Variants in MYO3B observed in about 807,000 individuals in gnomAD.
The protein encoded by MYO3B is myosin-IIIb.
Under a neutral mutation model 174.6 loss-of-function variants are expected in MYO3B, and 156 were observed. That is an observed-to-expected ratio of 0.89 (90% CI 0.78 to 1.02). The LOEUF (loss-of-function observed/expected upper bound fraction) is 1.02. Ranked by LOEUF, MYO3B falls within the 50% of genes least tolerant of loss-of-function variation. MYO3B has a pLI of 0.00. For synonymous variants in MYO3B, 563 were observed against 569.1 expected (o/e 0.99, Z 0.15); for missense variants, 1,632 against 1,639.4 (o/e 1.00, Z 0.08).
chr2:170,401,795 T>TATTTTTA, intron 18 of MYO3B, 104 bp downstream of exon 18: 7 of 1,018,750 alleles, frequency 6.9e-6, no homozygotes, highest in Non-Finnish European at 8.3e-6. Flanking sequence ...GGATTTTCTT[T>TATTTTTA]CTTTTTCTTT....
chr2:170,421,462 C>A (rs959504155), intron 22 of MYO3B, among the ~76,000 whole-genome samples: 1 of 152,338 alleles, frequency 6.6e-6, no homozygotes, highest in African/African-American at 2.4e-5. Flanking sequence ...AGCACGAGAA[C>A]CACGTACTCC....
In MYO3B at chr2:170,382,055, A is replaced by C; in HGVS notation, c.1011A>C (p.Glu337Asp). 6.2e-7 allele frequency: 1 copy of C among 1,613,774 alleles called. No homozygotes were observed. Among genetic ancestry groups the C allele is most frequent in the South Asian group, 1.1e-5 (1 of 91,028 alleles). The change falls in exon 10 of 35, where the codon GAA (glutamate) becomes GAC (aspartate). Residue 337 changes from glutamate (E) to aspartate (D), a missense_variant. Coordinates refer to ENST00000408978, the MANE Select transcript of MYO3B (RefSeq NM_138995.5). ...RMHTRRPYHV[E>D]DAEKYCLEDD... Reference sequence around the variant, plus strand: ...ATACCAGAAGACCTTATCATGTGGAAGATGCTGAAAAATACTGCCTTGAGG... The same window carrying C: ...ATACCAGAAGACCTTATCATGTGGACGATGCTGAAAAATACTGCCTTGAGG...
intron 6 of MYO3B, among the ~76,000 whole-genome samples, chr2:170,231,012 A>C (rs2093010027): frequency 6.6e-6 from 1 of 152,200 alleles, no homozygotes; most frequent in African/African-American, 2.4e-5. Context: ...AGAGCTGCTG[A>C]CTGTTGTTTT....
chr2:170,226,979 G>C (rs1191855243), intron 6 of MYO3B, among the ~76,000 whole-genome samples: 1 of 152,154 alleles, frequency 6.6e-6, no homozygotes, highest in East Asian at 1.9e-4. Flanking sequence ...TGTCAGAGTT[G>C]GCCTCAGCTC....
chr2:170,204,968 G>C (rs2092699870), intron 3 of MYO3B, among the ~76,000 whole-genome samples: 9 of 152,106 alleles, frequency 5.9e-5, no homozygotes, highest in Admixed American at 5.9e-4. Context: ...CAAGTGCCCA[G>C]TCTTTTTTCT....
At chr2:170,323,427 G>C (rs2093843348) in intron 7 of MYO3B, among the ~76,000 whole-genome samples, 1 of 152,196 alleles carries the variant, frequency 6.6e-6, no homozygotes, top group Admixed American at 6.5e-5. Context: ...TAAGTTGATA[G>C]GATGTCAGAA....
At chr2:170,210,626 C>A (rs540762179) in intron 3 of MYO3B, among the ~76,000 whole-genome samples, 1 of 152,288 alleles carries the variant, frequency 6.6e-6, no homozygotes, top group South Asian at 2.1e-4. Flanking sequence ...TTGAAAAGTT[C>A]TTAAAAACCA....
intron 22 of MYO3B, among the ~76,000 whole-genome samples, chr2:170,441,131 A>G (rs535322059): frequency 2.0e-5 from 3 of 152,318 alleles, no homozygotes; most frequent in Non-Finnish European, 2.9e-5. Flanking sequence ...CAATTTTGCT[A>G]AAGTTAGTTC....
chr2:170,246,542 A>ACACACACG (rs1490206526), intron 7 of MYO3B, among the ~76,000 whole-genome samples: 7 of 151,624 alleles, frequency 4.6e-5, no homozygotes, highest in African/African-American at 1.7e-4. Flanking sequence ...ACACACACAC[A>ACACACACG]CACACACACA....
At chr2:170,641,858 T>G (rs6720750) in intron 32 of MYO3B, among the ~76,000 whole-genome samples, 134 of 28,820 alleles carry the variant, frequency 4.6e-3, no homozygotes, top group African/African-American at 0.015. Flanking sequence ...TATTGTTAAG[T>G]GGGGGGGGGG....
At chr2:170,383,268 T>G (rs2094348933) in intron 11 of MYO3B, 79 bp downstream of exon 11, 1 of 892,186 alleles carries the variant, frequency 1.1e-6, no homozygotes, top group South Asian at 1.5e-5. Context: ...AAAGAAAAAG[T>G]AAGAATAAAA....
chr2:170,617,319 G>T (rs566658216), intron 32 of MYO3B, among the ~76,000 whole-genome samples: 2 of 152,156 alleles, frequency 1.3e-5, no homozygotes, highest in African/African-American at 4.8e-5. Context: ...CAAATATCTT[G>T]TCTGGCTCTG....
chr2:170,516,986 T>C lies in MYO3B; in HGVS notation c.3472+1964T>C, dbSNP rs78607311. On this transcript the variant is annotated intron_variant, in intron 29 of 34. Coordinates refer to ENST00000408978, the MANE Select transcript of MYO3B (RefSeq NM_138995.5). ...TTCCTTCATATCTCCATTTCTCCAA[T>C]GTCCTTGTTCAGCAATTCATTTGCC... Among the ~76,000 whole-genome samples, 265 of 152,336 alleles carry C rather than the reference T, an allele frequency of 1.7e-3. 2 individuals carry two copies. Among genetic ancestry groups the C allele is most frequent in the African/African-American group, 6.1e-3 (252 of 41,572 alleles).
chr2:170,328,204 T>G (rs1559390467), intron 7 of MYO3B, among the ~76,000 whole-genome samples: 1 of 152,140 alleles, frequency 6.6e-6, no homozygotes, highest in East Asian at 1.9e-4. Flanking sequence ...ACTGGCCACA[T>G]ATGCATATTT....
intron 22 of MYO3B, among the ~76,000 whole-genome samples, chr2:170,409,739 A>T (rs2094533789): frequency 6.6e-6 from 1 of 152,276 alleles, no homozygotes; most frequent in Non-Finnish European, 1.5e-5. Flanking sequence ...GCCGTACACC[A>T]ACTAGAACTT....
In MYO3B at chr2:170,480,849, A is replaced by G. The variant is rs542119610; in HGVS notation, c.3014+14138A>G. 2.0e-5 allele frequency among the ~76,000 whole-genome samples: 3 copies of G among 152,352 alleles called. No individual in the cohort carries two copies. In the South Asian group the frequency reaches 6.2e-4, roughly 32 times the overall value. On this transcript the variant is annotated intron_variant, in intron 25 of 34. Transcript: ENST00000408978. ...AGTGGTGTGAGAGCAAAGGAAAAAC[A>G]TCATTTGAGAGTTTTTCCCACAACA...
chr2:170,411,466 GTATCTAAACA>G (rs1308424801), intron 22 of MYO3B, among the ~76,000 whole-genome samples: 1 of 152,090 alleles, frequency 6.6e-6, no homozygotes, highest in African/African-American at 2.4e-5. Context: ...AAGTATTTGT[GTATCTAAACA>G]TATCTAAACA....
intron 32 of MYO3B, among the ~76,000 whole-genome samples, chr2:170,548,183 A>G (rs577168012): frequency 2.7e-5 from 4 of 150,076 alleles, no homozygotes; most frequent in South Asian, 4.2e-4. Context: ...CCAGTTCACC[A>G]TGTAAATATC....
chr2:170,478,522 TACACACACACACACAC>T lies in MYO3B; in HGVS notation c.3014+11835_3014+11850del, dbSNP rs60349340. 1.7e-3 allele frequency among the ~76,000 whole-genome samples: 213 copies of T among 126,106 alleles called. 1 individual carries two copies. The highest frequency in any genetic ancestry group is 5.6e-3 in the African/African-American group (182 of 32,608). The allele number at this position is 126,106 out of a possible 152,430, so 82.7% of individuals were successfully genotyped here. On this transcript the variant is annotated intron_variant, in intron 25 of 34. Transcript: ENST00000408978. ...GGAGAAGGTGTGTGGGGTGTTATTG[TACACACACACACACAC>T]ACACACACACACACACACACACAGG...
Sources: allele counts gnomAD v4.1 joint callset (sites outside exome capture counted in the v4.1 genomes callset), GRCh38; gene constraint gnomAD v4.1.1; transcripts MANE v1.5; gene names NCBI Gene and HGNC (gene_info 2026-07-23, HGNC 2026-07-21).